Variants in NOS1 observed in about 807,000 individuals in gnomAD.
NOS1 encodes the protein nitric oxide synthase 1.
A neutral mutation model predicts 164.5 loss-of-function variants in NOS1; 51 were observed. That is an observed-to-expected ratio of 0.31 (90% CI 0.25 to 0.39). The LOEUF (loss-of-function observed/expected upper bound fraction) is 0.39, where lower values mean the gene tolerates loss of function less well. NOS1 is among the 10% of genes least tolerant of loss of function. The pLI is 1.00. For synonymous variants in NOS1, 719 were observed against 745.8 expected (o/e 0.96, Z 0.59); for missense variants, 1,362 against 1,885.6 (o/e 0.72, Z 5.14).
chr12:117,293,787 C>G (rs947504575), intron 3 of NOS1, among the ~76,000 whole-genome samples: 3 of 152,066 alleles, frequency 2.0e-5, no homozygotes, highest in African/African-American at 7.2e-5. Context: ...CACTACCACA[C>G]TGGGAGCATG....
chr12:117,358,209 G>A (rs1231784913), intron 1 of NOS1, among the ~76,000 whole-genome samples: 3 of 152,232 alleles, frequency 2.0e-5, no homozygotes, highest in Non-Finnish European at 4.4e-5. Flanking sequence ...CTGCCTCCTG[G>A]GAAATCAGCG....
chr12:117,283,239 T>C (rs1432712264), intron 7 of NOS1, among the ~76,000 whole-genome samples: 2 of 151,938 alleles, frequency 1.3e-5, no homozygotes, highest in Non-Finnish European at 2.9e-5. Context: ...TTTTTGCATT[T>C]TCTGTAGAGA....
intron 22 of NOS1, among the ~76,000 whole-genome samples, chr12:117,231,049 G>A (rs756180916): frequency 9.2e-5 from 14 of 152,256 alleles, no homozygotes; most frequent in African/African-American, 2.9e-4. Context: ...GATCTAGGCC[G>A]GGTGCAGTGG....
Position 117,330,696 on chromosome 12 carries a change from G to T in NOS1, c.374C>A (p.Pro125His), listed in dbSNP as rs749337422. Residue 125 changes from proline to histidine, a missense_variant, in exon 2 of 29, where the codon CCC becomes CAC. By Grantham distance (77) the Pro-to-His change is moderately conservative (BLOSUM62 -2). This residue lies in a region of NOS1 where 362 missense variants were observed against 402.0 expected (regional missense o/e 0.90). Transcript: ENST00000317775. This position sits in a 1 kb window ranked among gnomAD's most constrained non-coding sequence, Gnocchi z 4.6. ...GTPKTIRVTQ[P>H]LGPPTKAVDL... ...CACGGCTTTGGTGGGGGGACCCAGG[G>T]GCTGTGTCACCCGGATGGTCTTGGG... 6 of 1,613,770 alleles carry T rather than the reference G, an allele frequency of 3.7e-6. No homozygotes were observed. Among genetic ancestry groups the T allele is most frequent in the Non-Finnish European group, 4.2e-6 (5 of 1,179,860 alleles).
At chr12:117,347,801 C>T (rs1593041272) in intron 1 of NOS1, among the ~76,000 whole-genome samples, 1 of 152,124 alleles carries the variant, frequency 6.6e-6, no homozygotes, top group Non-Finnish European at 1.5e-5. Context: ...CTGAGAGTGA[C>T]GCAGCACTTT....
intron 11 of NOS1, among the ~76,000 whole-genome samples, chr12:117,267,602 A>G (rs1872517790): frequency 6.9e-6 from 1 of 144,056 alleles, no homozygotes; most frequent in East Asian, 2.1e-4. Flanking sequence ...AAAAAAAAAA[A>G]GTGTTGTGGC....
Position 117,232,038 on chromosome 12 carries a change from G to T in NOS1, c.3329C>A (p.Thr1110Lys). The T allele has an allele frequency of 6.2e-7, 1 of 1,612,600 alleles. No individual in the cohort carries two copies. Among genetic ancestry groups the T allele is most frequent in the Non-Finnish European group, 8.5e-7 (1 of 1,180,008 alleles). ...GGCAAACTGCTGCAGCTGCAGAGGC[G>T]TTGGTGGCGTGGTGATGTCCAGGTA... ...KYYLDITTPPTPLQLQQFASL... is the reference protein window; with the variant it reads ...KYYLDITTPPKPLQLQQFASL... The change falls in exon 22 of 29, where the codon ACG becomes AAG. Residue 1110 changes from threonine to lysine, a missense_variant. Transcript: ENST00000317775.
chr12:117,323,205 G>T (rs1004745293), intron 2 of NOS1, among the ~76,000 whole-genome samples: 1 of 152,210 alleles, frequency 6.6e-6, no homozygotes, highest in South Asian at 2.1e-4. Flanking sequence ...TTCCATAAAT[G>T]GGGGAGTCCC....
intron 1 of NOS1, among the ~76,000 whole-genome samples, chr12:117,355,666 T>C (rs1331604972): frequency 6.6e-6 from 1 of 152,106 alleles, no homozygotes; most frequent in African/African-American, 2.4e-5. Context: ...CCAACTCCAT[T>C]TCACAGATAA....
At chr12:117,328,375 G>A (rs1274658423) in intron 2 of NOS1, among the ~76,000 whole-genome samples, 2 of 152,020 alleles carry the variant, frequency 1.3e-5, no homozygotes, top group African/African-American at 4.8e-5. Context: ...TCACCATGTT[G>A]GCAGGTTGGT....
chr12:117,258,359 G>C (rs1093329), intron 16 of NOS1, 38 bp downstream of exon 16: 3 of 1,607,232 alleles, frequency 1.9e-6, no homozygotes, highest in South Asian at 1.1e-5. Flanking sequence ...AGTTACCCTC[G>C]GGGGTGGCGG....
chr12:117,255,638 T>C (rs1277836043), intron 16 of NOS1, among the ~76,000 whole-genome samples: 2 of 152,098 alleles, frequency 1.3e-5, no homozygotes, highest in South Asian at 2.1e-4. Flanking sequence ...GCACGTGCAT[T>C]TGTATGAGGT....
At chr12:117,264,073 A>C in intron 12 of NOS1, 99 bp from the exon 13 acceptor site, 5 of 613,722 alleles carry the variant, frequency 8.1e-6, no homozygotes, top group Non-Finnish European at 1.0e-5. Flanking sequence ...TGACTGCCTG[A>C]CCCTCGGCCT....
At chr12:117,280,701 G>A in intron 8 of NOS1, 24 bp downstream of exon 8, 5 of 1,607,734 alleles carry the variant, frequency 3.1e-6, no homozygotes, top group Non-Finnish European at 3.4e-6. Context: ...GTTGGGGCAG[G>A]GTAGGGGGCG....
At chr12:117,280,363 G>A (rs545897424) in intron 8 of NOS1, among the ~76,000 whole-genome samples, 4 of 152,194 alleles carry the variant, frequency 2.6e-5, no homozygotes, top group African/African-American at 7.2e-5. Flanking sequence ...TCCATTTCTC[G>A]GCTCTTCCCT....
chr12:117,269,433 C>T (rs1010711653), intron 10 of NOS1, among the ~76,000 whole-genome samples: 2 of 141,012 alleles, frequency 1.4e-5, no homozygotes, highest in East Asian at 2.2e-4. Flanking sequence ...CCAGATGTGA[C>T]GGGCCCAGGG....
chr12:117,288,733 C>T (rs1872863809), intron 4 of NOS1, among the ~76,000 whole-genome samples: 1 of 152,146 alleles, frequency 6.6e-6, no homozygotes, highest in African/African-American at 2.4e-5. Context: ...CAGAAATGAC[C>T]CTGTGACAAC....
chr12:117,272,395 T>C lies in NOS1; in HGVS notation c.1829A>G (p.Asn610Ser), dbSNP rs745449767. ...VRDYCDNSRY[N>S]ILEEVAKKMN... ...AGAGAGGGCCCTTACCTCCAGGATA[T>C]TGTAGCGGGAGTTGTCACAGTAGTC... Residue 610 changes from asparagine (N) to serine (S), a missense_variant, in exon 10 of 29, where the codon AAT (asparagine) becomes AGT (serine). Physicochemically the swap from Asn to Ser is conservative, Grantham distance 46. Coordinates refer to ENST00000317775, the MANE Select transcript of NOS1 (RefSeq NM_000620.5). The surrounding 1 kb of genome is among the most constrained non-coding windows in gnomAD (Gnocchi z 4.3). 2 of 1,614,162 alleles carry C rather than the reference T, an allele frequency of 1.2e-6. No homozygotes were observed. The highest frequency in any genetic ancestry group is 2.2e-5 in the East Asian group (1 of 44,880).
rs1870328685 is a variant in NOS1, at chr12:117,243,209, C to A, written c.2962+88G>T. 2.0e-6 allele frequency: 3 copies of A among 1,522,440 alleles called. No individual in the cohort carries two copies. In the African/African-American group the frequency reaches 4.1e-5, roughly 21 times the overall value. The allele number at this position is 1,522,440 out of a possible 1,614,324, so 94.3% of individuals were successfully genotyped here. ...AAAGGGAGATCAAAGCAATGAAGCC[C>A]ATCTTCTCTAAGCACCTTCTGGAGG... On this transcript the variant is annotated intron_variant, in intron 19 of 28. Transcript: ENST00000317775. This position sits in a 1 kb window ranked among gnomAD's most constrained non-coding sequence, Gnocchi z 4.3.
Sources: gnomAD v4.1 joint callset for allele counts (sites outside exome capture counted in the v4.1 genomes callset) on GRCh38, gnomAD v4.1.1 for gene constraint, gnomAD v4.1.1 regional missense constraint, Gnocchi (gnomAD v3.1) non-coding constraint, MANE v1.5 for transcripts, NCBI Gene and HGNC (gene_info 2026-07-23, HGNC 2026-07-21) for gene names.